The following MAP3K1 variants were observed in gnomAD, a reference collection of about 807,000 sequenced individuals.
MAP3K1 encodes the protein MAP/ERK kinase kinase 1.
In MAP3K1, 36 loss-of-function variants were observed where a neutral mutation model predicts 144.2. The observed-to-expected ratio is 0.25, with a 90% confidence interval of 0.19 to 0.33. The LOEUF is 0.33. MAP3K1 is among the 10% of genes least tolerant of loss of function. The probability of loss-of-function intolerance (pLI) is 1.00; values close to 1 mark genes in which losing one functional copy is unlikely to be tolerated. For synonymous variants in MAP3K1, 718 were observed against 688.7 expected (o/e 1.04, Z -0.67); for missense variants, 1,650 against 1,881.9 (o/e 0.88, Z 2.28).
intron 3 of MAP3K1, among the ~76,000 whole-genome samples, chr5:56,863,631 T>C (rs1035579284): frequency 1.3e-5 from 2 of 152,246 alleles, no homozygotes; most frequent in Non-Finnish European, 2.9e-5. Flanking sequence ...GGTGGACATA[T>C]ATTCTCATTT....
At chr5:56,852,683 G>A (rs1476519904) in intron 1 of MAP3K1, among the ~76,000 whole-genome samples, 1 of 152,030 alleles carries the variant, frequency 6.6e-6, no homozygotes, top group African/African-American at 2.4e-5. Context: ...GGTCAAAAGT[G>A]TATACACTAT....
intron 18 of MAP3K1, 140 bp downstream of exon 18, chr5:56,887,660 A>G (rs1198425829): frequency 1.1e-6 from 1 of 901,940 alleles, no homozygotes; most frequent in East Asian, 2.5e-5. Context: ...GGTTTTAATA[A>G]TATCTTTCAG....
At chr5:56,868,708 A>G (rs1747755014) in intron 6 of MAP3K1, among the ~76,000 whole-genome samples, 2 of 152,216 alleles carry the variant, frequency 1.3e-5, no homozygotes, top group Admixed American at 1.3e-4. Context: ...AAATGTAAAA[A>G]TATGGAAACA....
chr5:56,877,993 A>G (rs1476809622), intron 10 of MAP3K1, among the ~76,000 whole-genome samples: 1 of 152,200 alleles, frequency 6.6e-6, no homozygotes, highest in African/African-American at 2.4e-5. Flanking sequence ...TTTTCACAAG[A>G]ACGCCACAGA....
intron 1 of MAP3K1, among the ~76,000 whole-genome samples, chr5:56,834,740 AT>A: frequency 6.6e-6 from 1 of 152,294 alleles, no homozygotes; most frequent in East Asian, 1.9e-4. Context: ...TGAGAGAAAT[AT>A]TGTTGTGCTT....
intron 1 of MAP3K1, among the ~76,000 whole-genome samples, chr5:56,828,939 G>T (rs896842031): frequency 3.3e-5 from 5 of 151,748 alleles, no homozygotes; most frequent in Non-Finnish European, 5.9e-5. Context: ...CTTCCTAATT[G>T]TGAAAATTTA....
chr5:56,876,269 C>A (rs1469470887), intron 10 of MAP3K1, among the ~76,000 whole-genome samples: 1 of 151,976 alleles, frequency 6.6e-6, no homozygotes, highest in Non-Finnish European at 1.5e-5. Flanking sequence ...CACCCCCACC[C>A]GATCATGCCC....
chr5:56,889,497 C>G (rs1748483021), intron 19 of MAP3K1, among the ~76,000 whole-genome samples: 1 of 152,130 alleles, frequency 6.6e-6, no homozygotes, highest in African/African-American at 2.4e-5. Context: ...AAATTCACAC[C>G]CAAGTCAGTT....
chr5:56,853,970 A>C (rs1229460086), intron 1 of MAP3K1, among the ~76,000 whole-genome samples: 2 of 152,326 alleles, frequency 1.3e-5, no homozygotes, highest in African/African-American at 2.4e-5. Context: ...TAAGATTCAA[A>C]GTTAAAGAAG....
chr5:56,887,048 CCA>C (rs1326633680), intron 17 of MAP3K1, among the ~76,000 whole-genome samples: 3 of 152,234 alleles, frequency 2.0e-5, no homozygotes, highest in Non-Finnish European at 4.4e-5. Context: ...CAGGCGTCAG[CCA>C]CCGTACCTGG....
intron 2 of MAP3K1, among the ~76,000 whole-genome samples, chr5:56,857,205 G>A (rs187091077): frequency 6.6e-6 from 1 of 152,134 alleles, no homozygotes; most frequent in East Asian, 1.9e-4. Flanking sequence ...TAAGATGTGC[G>A]TTTCTCCAAC....
chr5:56,893,420 G>T (rs1040055986), intron 19 of MAP3K1, 111 bp from the exon 20 acceptor site: 1 of 1,159,860 alleles, frequency 8.6e-7, no homozygotes, highest in Non-Finnish European at 1.3e-6. Flanking sequence ...TTCTGCTTCA[G>T]TTCCTCTCTG....
intron 1 of MAP3K1, among the ~76,000 whole-genome samples, chr5:56,842,763 C>G (rs1394332394): frequency 6.6e-6 from 1 of 152,034 alleles, no homozygotes; most frequent in Non-Finnish European, 1.5e-5. Flanking sequence ...CTTCTAAGTA[C>G]TTTACATATA....
At chr5:56,856,826 C>G in intron 2 of MAP3K1, 76 bp downstream of exon 2, 1 of 1,449,472 alleles carries the variant, frequency 6.9e-7, no homozygotes, top group Non-Finnish European at 9.6e-7. Flanking sequence ...AATAGATCCT[C>G]TTGTAAGCTT....
intron 1 of MAP3K1, among the ~76,000 whole-genome samples, chr5:56,837,772 G>T (rs1001307731): frequency 2.0e-5 from 3 of 152,214 alleles, no homozygotes; most frequent in Admixed American, 2.0e-4. Flanking sequence ...ACCCATTTCC[G>T]TCCTCACGGA....
chr5:56,864,385 T>C (rs919324061), intron 3 of MAP3K1, among the ~76,000 whole-genome samples: 30 of 150,998 alleles, frequency 2.0e-4, no homozygotes, highest in Admixed American at 7.2e-4. Flanking sequence ...TTTCTTTTTT[T>C]TTTTTTTTTT....
intron 1 of MAP3K1, among the ~76,000 whole-genome samples, chr5:56,819,001 G>A (rs1197262225): frequency 2.0e-5 from 3 of 152,084 alleles, no homozygotes; most frequent in Non-Finnish European, 4.4e-5. Context: ...TATTAAGTGG[G>A]TGACTTTATA....
chr5:56,878,053 G>A lies in MAP3K1; in HGVS notation c.1966-927G>A, dbSNP rs184204593. ...CATATCAGTGGGTACATATGCCCATGGCTTTTATTATTGGTGATGCTGTCA... is the reference window on the plus strand; with the variant it reads ...CATATCAGTGGGTACATATGCCCATAGCTTTTATTATTGGTGATGCTGTCA... On this transcript the variant is annotated intron_variant, in intron 10 of 19. Transcript: ENST00000399503. Among the ~76,000 whole-genome samples the A allele has an allele frequency of 3.9e-5, 6 of 152,306 alleles. No individual in the cohort carries two copies. The East Asian group carries it at 1.2e-3, about 29-fold the overall frequency.
At chr5:56,872,778 G>T in intron 8 of MAP3K1, 47 bp from the exon 9 acceptor site, 1 of 1,609,056 alleles carries the variant, frequency 6.2e-7, no homozygotes, top group Non-Finnish European at 8.5e-7. Context: ...TCTCAGTGTG[G>T]TTTGTCTTAA....
Sources: allele counts gnomAD v4.1 joint callset (sites outside exome capture counted in the v4.1 genomes callset), GRCh38; gene constraint gnomAD v4.1.1; transcripts MANE v1.5; gene names NCBI Gene and HGNC (gene_info 2026-07-23, HGNC 2026-07-21).